The following CXXC5 variants were observed in gnomAD, a reference collection of about 807,000 sequenced individuals.
CXXC5 encodes the protein CXXC-type zinc finger protein 5.
In CXXC5, 2 loss-of-function variants were observed where a neutral mutation model predicts 17.6. That is an observed-to-expected ratio of 0.11 (90% CI 0.05 to 0.36). CXXC5 has a LOEUF of 0.36. Among genes scored for constraint, CXXC5 ranks in the 10% least tolerant of loss-of-function variants. The probability of loss-of-function intolerance (pLI) is 1.00; values close to 1 mark genes in which losing one functional copy is unlikely to be tolerated. For missense variants in CXXC5, 343 were observed against 458.3 expected, an observed-to-expected ratio of 0.75 and a Z score of 2.30; for synonymous variants, 171 against 193.0, an observed-to-expected ratio of 0.89 and a Z score of 0.94.
chr5:139,682,812 C>A, intron 2 of CXXC5, 51 bp from the exon 3 acceptor site: 1 of 1,551,204 alleles, frequency 6.4e-7, no homozygotes, highest in Admixed American at 1.9e-5. Context: ...TCCAGGCCTA[C>A]CCGGACCCTG....
In CXXC5 at chr5:139,680,488, C is replaced by T. The variant is rs756239627; in HGVS notation, c.-36C>T. 4.6e-6 allele frequency: 7 copies of T among 1,527,736 alleles called. No homozygotes were observed. Among genetic ancestry groups the T allele is most frequent in the Non-Finnish European group, 6.1e-6 (7 of 1,139,998 alleles). 94.6% of individuals were successfully genotyped at this position (1,527,736 alleles called of 1,614,324 possible). On this transcript the variant is annotated 5_prime_UTR_variant, in exon 2 of 3. Coordinates refer to ENST00000302517, the MANE Select transcript of CXXC5 (RefSeq NM_016463.9). ...CTGTGGACCCTCGGCAGTTGGCAGGCTCCCTCTGCAGTGGGGTCTGGGCCT... is the reference window on the plus strand; with the variant it reads ...CTGTGGACCCTCGGCAGTTGGCAGGTTCCCTCTGCAGTGGGGTCTGGGCCT...
At chr5:139,676,833 T>C (rs980696301) in intron 1 of CXXC5, among the ~76,000 whole-genome samples, 1 of 151,834 alleles carries the variant, frequency 6.6e-6, no homozygotes, top group Non-Finnish European at 1.5e-5. Context: ...CTGTCTCCAC[T>C]AACCTTGACC....
rs748025698 is a variant in CXXC5, at chr5:139,680,867, T to C, written c.344T>C (p.Leu115Ser). The C allele has an allele frequency of 1.9e-5, 30 of 1,609,358 alleles. No homozygotes were observed. Among genetic ancestry groups the C allele is most frequent in the Non-Finnish European group, 2.5e-5 (29 of 1,179,984 alleles). The change falls in exon 2 of 3, where the codon TTG (leucine) becomes TCG (serine). Residue 115 changes from leucine (L) to serine (S), a missense_variant. By Grantham distance (145) the Leu-to-Ser change is moderately radical (BLOSUM62 -2). Around this residue, in one of 4 missense-constraint regions of CXXC5, gnomAD observed 297 missense variants for 363.4 expected, o/e 0.82. Coordinates refer to ENST00000302517, the MANE Select transcript of CXXC5 (RefSeq NM_016463.9). ...ATAAAAAASLLANGHDLAAAM... is the reference protein window; with the variant it reads ...ATAAAAAASLSANGHDLAAAM... ...GCGGCTGCAGCCGCTGCCTCCCTGT[T>C]GGCCAATGGGCATGACCTGGCGGCG...
Position 139,658,540 on chromosome 5 carries a change from T to A in CXXC5, c.-161+9695T>A, listed in dbSNP as rs1468145044. 6.6e-6 allele frequency among the ~76,000 whole-genome samples: 1 copy of A among 152,214 alleles called. No homozygotes were observed. The highest frequency in any genetic ancestry group is 6.5e-5 in the Admixed American group (1 of 15,284). On this transcript the variant is annotated intron_variant, in intron 1 of 2. Transcript: ENST00000302517. The surrounding 1 kb of genome is among the most constrained non-coding windows in gnomAD (Gnocchi z 4.1). Reference sequence around the variant, plus strand: ...GCTCTAGCCGGTGTGGAGAGTGGGCTGTGGGCCCAGTCAGGCAGTGGGGGG... The same window carrying A: ...GCTCTAGCCGGTGTGGAGAGTGGGCAGTGGGCCCAGTCAGGCAGTGGGGGG...
At chr5:139,674,840 A>C (rs1320606163) in intron 1 of CXXC5, among the ~76,000 whole-genome samples, 1 of 152,192 alleles carries the variant, frequency 6.6e-6, no homozygotes, top group East Asian at 1.9e-4. Flanking sequence ...AAATTAAAAT[A>C]ATAATAATAA....
chr5:139,660,760 C>T (rs1407800272), intron 1 of CXXC5, among the ~76,000 whole-genome samples: 5 of 150,892 alleles, frequency 3.3e-5, no homozygotes, highest in African/African-American at 1.2e-4. Context: ...TTTAGTCAGT[C>T]CTGCAGAGCC....
chr5:139,655,213 A>G (rs912146260), intron 1 of CXXC5, among the ~76,000 whole-genome samples: 7 of 152,218 alleles, frequency 4.6e-5, no homozygotes, highest in African/African-American at 1.7e-4. Context: ...CTGTCCCTCC[A>G]TCGCAGGAGG....
rs140756789 is a variant in CXXC5, at chr5:139,670,601, G to A, written c.-160-9763G>A. 5.4e-3 allele frequency among the ~76,000 whole-genome samples: 820 copies of A among 152,288 alleles called. 5 individuals carry two copies. The highest frequency in any genetic ancestry group is 0.027 in the Middle Eastern group (8 of 294). ...GACATACACACACTGGCATTCATGC[G>A]GCAAAGATGTGTTGACACGTACAGA... On this transcript the variant is annotated intron_variant, in intron 1 of 2. Transcript: ENST00000302517. This position sits in a 1 kb window ranked among gnomAD's most constrained non-coding sequence, Gnocchi z 4.2.
intron 1 of CXXC5, among the ~76,000 whole-genome samples, chr5:139,660,707 A>G (rs1471858084): frequency 2.1e-5 from 3 of 140,294 alleles, no homozygotes; most frequent in African/African-American, 7.8e-5. Context: ...GGCCACTGGG[A>G]ATTGGTGAAC....
rs1217636813 is a variant in CXXC5, at chr5:139,683,000, C to T, written c.*93C>T. 28 of 1,136,210 alleles carry T rather than the reference C, an allele frequency of 2.5e-5. No homozygotes were observed. In the Middle Eastern group the frequency reaches 8.5e-4, roughly 34 times the overall value. 70.4% of individuals were successfully genotyped at this position (1,136,210 alleles called of 1,614,324 possible). A position where few individuals can be genotyped will look rare whatever the true frequency, so the allele number is the denominator to read the frequency against. ...TCGGGCGAAGACAAACGGATGCACCCGTCTTTAGAACCAAAAATATTCTCT... is the reference window on the plus strand; with the variant it reads ...TCGGGCGAAGACAAACGGATGCACCTGTCTTTAGAACCAAAAATATTCTCT... On this transcript the variant is annotated 3_prime_UTR_variant, in exon 3 of 3. Coordinates refer to ENST00000302517, the MANE Select transcript of CXXC5 (RefSeq NM_016463.9).
Position 139,663,508 on chromosome 5 carries a change from G to A in CXXC5, c.-161+14663G>A, listed in dbSNP as rs1755932210. On this transcript the variant is annotated intron_variant, in intron 1 of 2. Coordinates refer to ENST00000302517, the MANE Select transcript of CXXC5 (RefSeq NM_016463.9). This position sits in a 1 kb window ranked among gnomAD's most constrained non-coding sequence, Gnocchi z 4.2. ...TGGGCAGAAGAGGAGATGCAAGCCT[G>A]GCCAGTGGGGTGCTACCCTCGTTGT... is the stretch of plus-strand genomic sequence containing the variant. 6.6e-6 allele frequency among the ~76,000 whole-genome samples: 1 copy of A among 152,094 alleles called. No homozygotes were observed. The highest frequency in any genetic ancestry group is 2.1e-4 in the South Asian group (1 of 4,824).
intron 1 of CXXC5, among the ~76,000 whole-genome samples, chr5:139,675,187 G>C (rs989074165): frequency 7.9e-5 from 12 of 152,186 alleles, no homozygotes; most frequent in African/African-American, 2.9e-4. Flanking sequence ...TGTCGAGGTA[G>C]GTGCAGGGAA....
At chr5:139,682,138 G>A (rs562270471) in intron 2 of CXXC5, among the ~76,000 whole-genome samples, 2 of 152,290 alleles carry the variant, frequency 1.3e-5, no homozygotes, top group Admixed American at 6.5e-5. Context: ...GGCAGGGCCC[G>A]TCCCTGTGCC....
At chr5:139,673,648 C>T (rs1756604620) in intron 1 of CXXC5, among the ~76,000 whole-genome samples, 1 of 152,086 alleles carries the variant, frequency 6.6e-6, no homozygotes, top group Non-Finnish European at 1.5e-5. Context: ...TCAAGACCAG[C>T]CTGACCAACA....
chr5:139,675,188 G>T (rs924623309), intron 1 of CXXC5, among the ~76,000 whole-genome samples: 1 of 152,184 alleles, frequency 6.6e-6, no homozygotes, highest in Non-Finnish European at 1.5e-5. Flanking sequence ...GTCGAGGTAG[G>T]TGCAGGGAAG....
In CXXC5 at chr5:139,658,749, T is replaced by C. The variant is rs1755624566; in HGVS notation, c.-161+9904T>C. On this transcript the variant is annotated intron_variant, in intron 1 of 2. Transcript: ENST00000302517. This position sits in a 1 kb window ranked among gnomAD's most constrained non-coding sequence, Gnocchi z 4.1. ...ATGGCCGCCTGCAGCTCCCCCTCCC[T>C]TGGGGTCCTCAGCAGCCCCATCTGT... is the stretch of plus-strand genomic sequence containing the variant. 6.6e-6 allele frequency among the ~76,000 whole-genome samples: 1 copy of C among 152,190 alleles called. No individual in the cohort carries two copies. Among genetic ancestry groups the C allele is most frequent in the Admixed American group, 6.5e-5 (1 of 15,282 alleles).
At chr5:139,655,245 G>A (rs1459763758) in intron 1 of CXXC5, among the ~76,000 whole-genome samples, 2 of 152,166 alleles carry the variant, frequency 1.3e-5, no homozygotes, top group East Asian at 3.8e-4. Context: ...GACTGGCTGT[G>A]ATGGAGGTGG....
chr5:139,656,401 C>T (rs1755499100), intron 1 of CXXC5, among the ~76,000 whole-genome samples: 1 of 152,240 alleles, frequency 6.6e-6, no homozygotes. Flanking sequence ...CCCCAGGTCT[C>T]TCACACAGGC....
At chr5:139,673,520 C>T (rs1756595225) in intron 1 of CXXC5, among the ~76,000 whole-genome samples, 1 of 152,142 alleles carries the variant, frequency 6.6e-6, no homozygotes, top group Non-Finnish European at 1.5e-5. Context: ...ATCCCCTCCT[C>T]CAGCTGTTTT....
Sources: gnomAD v4.1 joint callset for allele counts (sites outside exome capture counted in the v4.1 genomes callset) on GRCh38, gnomAD v4.1.1 for gene constraint, gnomAD v4.1.1 regional missense constraint, Gnocchi (gnomAD v3.1) non-coding constraint, MANE v1.5 for transcripts, NCBI Gene and HGNC (gene_info 2026-07-23, HGNC 2026-07-21) for gene names.